HIVEP1: variants seen among roughly 807,000 people sequenced by gnomAD.
HIVEP1 encodes HIVEP zinc finger 1.
In HIVEP1, 36 loss-of-function variants were observed where a neutral mutation model predicts 180.0. The ratio of observed to expected loss-of-function variants is 0.20; its 90% CI spans 0.15 to 0.26. The LOEUF is 0.26. Ranked by LOEUF, HIVEP1 falls within the 10% of genes least tolerant of loss-of-function variation. The pLI is 1.00. For missense variants in HIVEP1, 3,143 were observed against 3,268.7 expected, an observed-to-expected ratio of 0.96 and a Z score of 0.94; for synonymous variants, 1,239 against 1,239.0, an observed-to-expected ratio of 1.00 and a Z score of 0.00.
At chr6:12,047,059 C>A (rs1770187244) in intron 2 of HIVEP1, among the ~76,000 whole-genome samples, 1 of 151,964 alleles carries the variant, frequency 6.6e-6, no homozygotes, top group Admixed American at 6.6e-5. Context: ...CGGGGTTTCA[C>A]CATGTTGGCC....
At chr6:12,019,579 C>T (rs769505051) in intron 2 of HIVEP1, among the ~76,000 whole-genome samples, 8 of 152,186 alleles carry the variant, frequency 5.3e-5, no homozygotes, top group Non-Finnish European at 8.8e-5. Flanking sequence ...CTGCCGTCAG[C>T]TCAGGAGCTT....
At chr6:12,043,761 G>A (rs926036461) in intron 2 of HIVEP1, among the ~76,000 whole-genome samples, 2 of 152,320 alleles carry the variant, frequency 1.3e-5, no homozygotes, top group South Asian at 2.1e-4. Flanking sequence ...AGAAGTTCTC[G>A]TTGAACCGAC....
At chr6:12,145,555 G>A (rs1221174710) in intron 7 of HIVEP1, among the ~76,000 whole-genome samples, 1 of 149,716 alleles carries the variant, frequency 6.7e-6, no homozygotes, top group Non-Finnish European at 1.5e-5. Flanking sequence ...ACCAGATACT[G>A]TGAGACTTAC....
downstream of HIVEP1, among the ~76,000 whole-genome samples, chr6:12,168,494 T>G (rs1380036698): frequency 6.6e-6 from 1 of 150,648 alleles, no homozygotes; most frequent in Admixed American, 6.7e-5. Context: ...AGCAAAATGT[T>G]TTTCTATACA....
At chr6:12,162,077 G>T in intron 8 of HIVEP1, 148 bp downstream of exon 8, 1 of 695,708 alleles carries the variant, frequency 1.4e-6, no homozygotes. Context: ...TTGTATTTAA[G>T]GGTAGAGGGT....
At chr6:12,128,701 T>G (rs867899208) in intron 4 of HIVEP1, among the ~76,000 whole-genome samples, 1 of 152,278 alleles carries the variant, frequency 6.6e-6, no homozygotes, top group African/African-American at 2.4e-5. Flanking sequence ...TACTATCAAA[T>G]GGGTAGTAGC....
upstream of HIVEP1, among the ~76,000 whole-genome samples, chr6:12,011,505 C>A (rs868323263): frequency 5.1e-4 from 77 of 151,344 alleles, no homozygotes; most frequent in South Asian, 0.015. Flanking sequence ...CCTCCGCCCC[C>A]GCCGTGTGCT....
the HIVEP1 span, among the ~76,000 whole-genome samples, chr6:12,207,057 C>T: frequency 1.4e-4 from 22 of 152,134 alleles, no homozygotes; most frequent in Non-Finnish European, 2.6e-4. Flanking sequence ...GAAAAAATGT[C>T]ACATCAAAGT....
intron 2 of HIVEP1, among the ~76,000 whole-genome samples, chr6:12,019,778 C>G (rs1444280990): frequency 6.6e-6 from 1 of 152,196 alleles, no homozygotes; most frequent in Non-Finnish European, 1.5e-5. Flanking sequence ...TCTTGGTTCT[C>G]CTGCTGGGAC....
the HIVEP1 span, among the ~76,000 whole-genome samples, chr6:12,173,023 A>G: frequency 2.0e-5 from 3 of 152,174 alleles, no homozygotes; most frequent in Non-Finnish European, 4.4e-5. Flanking sequence ...CCATAAAAAT[A>G]TTTAGTGAAG....
At chr6:12,193,473 C>T in the HIVEP1 span, among the ~76,000 whole-genome samples, 2,874 of 152,180 alleles carry the variant, frequency 0.019, 99 homozygotes, top group African/African-American at 0.066. Flanking sequence ...TATCATTAAC[C>T]GTGTGCAGAA....
At chr6:12,152,207 C>T (rs1000291905) in intron 7 of HIVEP1, among the ~76,000 whole-genome samples, 1 of 152,198 alleles carries the variant, frequency 6.6e-6, no homozygotes, top group African/African-American at 2.4e-5. Context: ...AGTTACTCAA[C>T]ATAGTATCAT....
chr6:12,107,243 T>C (rs538596368), intron 3 of HIVEP1, among the ~76,000 whole-genome samples: 1 of 152,358 alleles, frequency 6.6e-6, no homozygotes, highest in East Asian at 1.9e-4. Context: ...ATGTTTACAT[T>C]ATACTGTAAT....
intron 2 of HIVEP1, among the ~76,000 whole-genome samples, chr6:12,059,480 C>G (rs542074083): frequency 6.6e-6 from 1 of 152,286 alleles, no homozygotes; most frequent in African/African-American, 2.4e-5. Context: ...TTATCTAGAA[C>G]ACTATACTCT....
chr6:12,161,543 C>A lies in HIVEP1; in HGVS notation c.6592C>A (p.Gln2198Lys). 1.2e-6 allele frequency: 2 copies of A among 1,614,076 alleles called. No homozygotes were observed. Among genetic ancestry groups the A allele is most frequent in the Non-Finnish European group, 1.7e-6 (2 of 1,179,978 alleles). The part of the protein sequence containing the change: ...NENEDDDEDS[Q>K]AESVLSATPS... Reference sequence around the variant, plus strand: ...AAATGAAGACGATGATGAGGACAGCCAGGCTGAATCAGTCCTGTCAGCCAC... The same window carrying A: ...AAATGAAGACGATGATGAGGACAGCAAGGCTGAATCAGTCCTGTCAGCCAC... The change falls in exon 8 of 9, where the codon CAG (glutamine) becomes AAG (lysine). Residue 2198 changes from glutamine to lysine, a missense_variant. Gln to Lys is a moderately conservative substitution (Grantham distance 53, BLOSUM62 1). Around this residue, in one of 12 missense-constraint regions of HIVEP1, gnomAD observed 126 missense variants for 168.5 expected, o/e 0.75. Coordinates refer to ENST00000379388, the MANE Select transcript of HIVEP1 (RefSeq NM_002114.4).
At chr6:12,019,077 A>C (rs1349177381) in intron 2 of HIVEP1, among the ~76,000 whole-genome samples, 1 of 152,226 alleles carries the variant, frequency 6.6e-6, no homozygotes, top group African/African-American at 2.4e-5. Flanking sequence ...CAGCCACTAA[A>C]GAAAAGATTG....
upstream of HIVEP1, among the ~76,000 whole-genome samples, chr6:12,010,931 C>G (rs1050585478): frequency 6.6e-6 from 1 of 152,278 alleles, no homozygotes; most frequent in East Asian, 1.9e-4. Context: ...CAGCCCCGCA[C>G]CCCCCTTTTC....
chr6:12,123,886 G>A lies in HIVEP1; in HGVS notation c.4091G>A (p.Arg1364Lys). The change falls in exon 4 of 9, where the codon AGG (arginine) becomes AAG (lysine). Residue 1364 changes from arginine (R) to lysine (K), a missense_variant. Physicochemically the swap from Arg to Lys is conservative, Grantham distance 26 (BLOSUM62 2). Around this residue, in one of 12 missense-constraint regions of HIVEP1, gnomAD observed 1,357 missense variants for 1,260.5 expected, o/e 1.08. Coordinates refer to ENST00000379388, the MANE Select transcript of HIVEP1 (RefSeq NM_002114.4). ...GTTCCTGGATGTCACCGGGAAATGA[G>A]GCGTACTGCATCAGAACAGATTAAT... The part of the protein sequence containing the change: ...LNVPGCHREM[R>K]RTASEQINCT... 2 of 1,614,130 alleles carry A rather than the reference G, an allele frequency of 1.2e-6. No individual in the cohort carries two copies. The highest frequency in any genetic ancestry group is 4.5e-5 in the East Asian group (2 of 44,882).
chr6:12,125,749 C>G lies in HIVEP1; in HGVS notation c.5954C>G (p.Ala1985Gly), dbSNP rs781427208. 11 of 1,614,090 alleles carry G rather than the reference C, an allele frequency of 6.8e-6. No individual in the cohort carries two copies. Among genetic ancestry groups the G allele is most frequent in the Non-Finnish European group, 9.3e-6 (11 of 1,179,940 alleles). ...CCACTCGGTTTGCCCACAAAAGTTG[C>G]ACTTGCTCTCCTTAATTCAAAACAG... ...PNPLGLPTKVALALLNSKQNT... is the reference protein window; with the variant it reads ...PNPLGLPTKVGLALLNSKQNT... Residue 1985 changes from alanine (A) to glycine (G), a missense_variant, in exon 4 of 9, where the codon GCA becomes GGA. By Grantham distance (60) the Ala-to-Gly change is moderately conservative. This residue lies in a region of HIVEP1 where 1,357 missense variants were observed against 1,260.5 expected (regional missense o/e 1.08). Coordinates refer to ENST00000379388, the MANE Select transcript of HIVEP1 (RefSeq NM_002114.4).
Sources: allele counts gnomAD v4.1 joint callset (sites outside exome capture counted in the v4.1 genomes callset), GRCh38; gene constraint gnomAD v4.1.1; regional missense constraint gnomAD v4.1.1; transcripts MANE v1.5; gene names NCBI Gene and HGNC (gene_info 2026-07-23, HGNC 2026-07-21).